Variants in ARMC2 observed in about 807,000 individuals in gnomAD.
ARMC2 encodes the protein armadillo repeat containing 2.
Under a neutral mutation model 90.3 loss-of-function variants are expected in ARMC2, and 67 were observed. The observed-to-expected ratio is 0.74, with a 90% CI of 0.61 to 0.91. The LOEUF (loss-of-function observed/expected upper bound fraction) is 0.91, where lower values mean the gene tolerates loss of function less well. Ranked by LOEUF, ARMC2 falls within the 40% of genes least tolerant of loss-of-function variation. The pLI is 0.00. For synonymous variants in ARMC2, 393 were observed against 393.0 expected (o/e 1.00, Z 0.00); for missense variants, 920 against 1,030.9 (o/e 0.89, Z 1.47).
intron 10 of ARMC2, among the ~76,000 whole-genome samples, chr6:108,917,468 T>C (rs1220728639): frequency 1.3e-5 from 2 of 152,040 alleles, no homozygotes; most frequent in Admixed American, 1.3e-4. Context: ...AATAGGAAAG[T>C]GTATGGAACA....
intron 5 of ARMC2, among the ~76,000 whole-genome samples, chr6:108,889,583 G>C (rs577278049): frequency 6.6e-6 from 1 of 152,008 alleles, no homozygotes; most frequent in African/African-American, 2.4e-5. Context: ...CGGGACTACA[G>C]GTGTGTGCCA....
At chr6:108,998,364 A>G in the ARMC2 span, 1 of 841,138 alleles carries the variant, frequency 1.2e-6, no homozygotes, top group Non-Finnish European at 1.8e-6. Flanking sequence ...GAGGCAGTCA[A>G]TAAAACCCTA....
intron 17 of ARMC2, among the ~76,000 whole-genome samples, chr6:108,967,195 T>C (rs915558487): frequency 4.6e-5 from 7 of 152,220 alleles, no homozygotes; most frequent in Non-Finnish European, 4.4e-5. Flanking sequence ...CCTGTGTCTG[T>C]CTGTTGCCAG....
chr6:108,904,082 TGATAA>T (rs1367154451), intron 7 of ARMC2, 143 bp from the exon 8 acceptor site: 35 of 891,674 alleles, frequency 3.9e-5, no homozygotes, highest in Non-Finnish European at 4.0e-5. Context: ...TAGATGGAAG[TGATAA>T]GATAAGAAAA....
At chr6:108,895,780 C>T (rs187521603) in intron 6 of ARMC2, among the ~76,000 whole-genome samples, 2 of 152,178 alleles carry the variant, frequency 1.3e-5, no homozygotes, top group South Asian at 2.1e-4. Context: ...GGTAAGCATG[C>T]GAAGTCAAGT....
In ARMC2 at chr6:108,858,235, G is replaced by A. The variant is rs545068127; in HGVS notation, c.255G>A (p.Arg85=). 3.7e-6 allele frequency: 6 copies of A among 1,610,806 alleles called. No homozygotes were observed. Among genetic ancestry groups the A allele is most frequent in the East Asian group, 4.5e-5 (2 of 44,728 alleles). Residue 85 remains arginine, a synonymous_variant, in exon 3 of 18, where the codon AGG becomes AGA. Coordinates refer to ENST00000392644, the MANE Select transcript of ARMC2 (RefSeq NM_032131.6). The part of the protein sequence containing the change: ...HASSFESSDS[R]PISGTRLSPL... ...CCAGTTTTGAGTCATCTGATTCCAGGCCTATCTCTGGCACACGTCTTAGTC... is the reference window on the plus strand; with the variant it reads ...CCAGTTTTGAGTCATCTGATTCCAGACCTATCTCTGGCACACGTCTTAGTC...
At chr6:109,008,310 T>C in the ARMC2 span, among the ~76,000 whole-genome samples, 1 of 152,194 alleles carries the variant, frequency 6.6e-6, no homozygotes, top group Non-Finnish European at 1.5e-5. Context: ...AAACTGTAAA[T>C]GTTAATTCAA....
chr6:108,859,349 G>C (rs116065702), intron 3 of ARMC2, among the ~76,000 whole-genome samples: 1,795 of 152,142 alleles, frequency 0.012, 33 homozygotes, highest in African/African-American at 0.042. Flanking sequence ...TGGCTTTTTC[G>C]TGGTTCTTAT....
intron 17 of ARMC2, among the ~76,000 whole-genome samples, chr6:108,966,992 C>CA (rs1316572799): frequency 6.6e-6 from 1 of 152,240 alleles, no homozygotes; most frequent in Non-Finnish European, 1.5e-5. Flanking sequence ...CCCAGAGAGG[C>CA]AGGCAGGAGC....
At chr6:108,907,224 T>C (rs1772834448) in intron 8 of ARMC2, among the ~76,000 whole-genome samples, 1 of 152,090 alleles carries the variant, frequency 6.6e-6, no homozygotes, top group African/African-American at 2.4e-5. Context: ...TTACTAAAAA[T>C]GTAAGATTTG....
At chr6:109,001,624 A>T in the ARMC2 span, 1 of 726,666 alleles carries the variant, frequency 1.4e-6, no homozygotes, top group Non-Finnish European at 2.3e-6. Flanking sequence ...TACAAATTTA[A>T]ACTCAACTGG....
the ARMC2 span, chr6:108,998,406 CCA>C: frequency 1.4e-5 from 19 of 1,362,366 alleles, no homozygotes; most frequent in South Asian, 2.0e-4. Context: ...CCCAATATCT[CCA>C]CAGTCTTAAC....
intron 10 of ARMC2, among the ~76,000 whole-genome samples, chr6:108,914,317 A>G (rs1486129661): frequency 6.6e-6 from 1 of 152,150 alleles, no homozygotes; most frequent in Non-Finnish European, 1.5e-5. Context: ...TTACTCTTTT[A>G]TGTCCCTTTC....
chr6:108,999,007 A>C, the ARMC2 span: 2 of 294,136 alleles, frequency 6.8e-6, no homozygotes, highest in Non-Finnish European at 1.3e-5. Context: ...AAAATGTAAG[A>C]GAATGCATTT....
chr6:108,906,681 C>T (rs762891171), intron 8 of ARMC2, among the ~76,000 whole-genome samples: 19 of 152,100 alleles, frequency 1.2e-4, no homozygotes, highest in Admixed American at 2.0e-4. Context: ...ATTGGGGTCT[C>T]GCTATGATGC....
At chr6:108,897,450 C>G (rs1771711446) in intron 6 of ARMC2, among the ~76,000 whole-genome samples, 1 of 151,936 alleles carries the variant, frequency 6.6e-6, no homozygotes, top group African/African-American at 2.4e-5. Flanking sequence ...TGAAACCTTG[C>G]TATTAAGGCT....
chr6:108,924,070 G>A (rs1035846054), intron 10 of ARMC2: 1 of 152,422 alleles, frequency 6.6e-6, no homozygotes, highest in Non-Finnish European at 1.5e-5. Flanking sequence ...CCATGGGAGA[G>A]AAGATGCCTG....
At chr6:108,931,251 T>C (rs1775543070) in intron 11 of ARMC2, among the ~76,000 whole-genome samples, 1 of 151,966 alleles carries the variant, frequency 6.6e-6, no homozygotes, top group African/African-American at 2.4e-5. Context: ...TAAGACTTGA[T>C]CTCATTCTTT....
chr6:108,978,178 C>T (rs1200673078), downstream of ARMC2, among the ~76,000 whole-genome samples: 5 of 152,166 alleles, frequency 3.3e-5, no homozygotes, highest in African/African-American at 7.2e-5. Context: ...AAATATGTCC[C>T]AGAGATTCCG....
Sources: allele counts gnomAD v4.1 joint callset (sites outside exome capture counted in the v4.1 genomes callset), GRCh38; gene constraint gnomAD v4.1.1; transcripts MANE v1.5; gene names NCBI Gene and HGNC (gene_info 2026-07-23, HGNC 2026-07-21).